The following DPP10 variants were observed in gnomAD, a reference collection of about 807,000 sequenced individuals.
The protein encoded by DPP10 is dipeptidyl peptidase like 10.
A neutral mutation model predicts 120.9 loss-of-function variants in DPP10; 33 were observed. The observed-to-expected ratio is 0.27, with a 90% CI of 0.21 to 0.37. The LOEUF is 0.37. DPP10 is among the 10% of genes least tolerant of loss of function. DPP10 has a pLI of 1.00. For missense variants in DPP10, 816 were observed against 942.8 expected, an observed-to-expected ratio of 0.87 and a Z score of 1.76; for synonymous variants, 337 against 326.1, an observed-to-expected ratio of 1.03 and a Z score of -0.36.
rs67359999 is a variant in DPP10 at position 115,617,289 on chromosome 2, T to TATATATATATACAC, written c.442-72397_442-72396insTATATATATACACA. On this transcript the variant is annotated intron_variant, in intron 5 of 25. Transcript: ENST00000410059. ...TATATTTTTTATATATATATATATA[T>TATATATATATACAC]ACACACATAGCATATATGTATATGC... 9.1e-3 allele frequency among the ~76,000 whole-genome samples: 1,243 copies of TATATATATATACAC among 136,480 alleles called. 10 individuals are homozygous for TATATATATATACAC. The highest frequency in any genetic ancestry group is 0.018 in the Middle Eastern group (4 of 218). 89.5% of individuals were successfully genotyped at this position (136,480 alleles called of 152,430 possible).
rs529727538 is a variant in DPP10, at chr2:115,661,011, C to T, written c.442-28676C>T. On this transcript the variant is annotated intron_variant, in intron 5 of 25. Transcript: ENST00000410059. ...GTCCACCCAGGCTGGAGTGCAGTGG[C>T]GTGATCTCGGCTCACTGCAAACTCT... Among the ~76,000 whole-genome samples, 7 of 152,026 alleles carry T rather than the reference C, an allele frequency of 4.6e-5. No homozygotes were observed. In the South Asian group the frequency reaches 8.3e-4, roughly 18 times the overall value.
chr2:115,581,543 T>C (rs977510182), intron 5 of DPP10, among the ~76,000 whole-genome samples: 10 of 152,124 alleles, frequency 6.6e-5, no homozygotes, highest in Admixed American at 6.5e-4. Flanking sequence ...CTATACTCTG[T>C]TATACAAAAT....
At chr2:115,361,481 A>T (rs2064762097) in intron 3 of DPP10, among the ~76,000 whole-genome samples, 1 of 151,870 alleles carries the variant, frequency 6.6e-6, no homozygotes, top group South Asian at 2.1e-4. Context: ...GGATGTGCAG[A>T]CCAGACATGC....
At chr2:115,171,369 AAAAAAG>A (rs538897412) in intron 1 of DPP10, among the ~76,000 whole-genome samples, 2,884 of 150,112 alleles carry the variant, frequency 0.019, 53 homozygotes, top group African/African-American at 0.054. Flanking sequence ...AAAAAAAAAA[AAAAAAG>A]AAAAGAAAAG....
chr2:114,935,661 G>T (rs1696405963), intron 1 of DPP10, among the ~76,000 whole-genome samples: 2 of 150,196 alleles, frequency 1.3e-5, no homozygotes, highest in Non-Finnish European at 3.0e-5. Context: ...GATCAGAAAT[G>T]ATCCTTTCGG....
chr2:115,236,285 T>C (rs1442971819), intron 1 of DPP10, among the ~76,000 whole-genome samples: 2 of 152,218 alleles, frequency 1.3e-5, no homozygotes, highest in Non-Finnish European at 2.9e-5. Context: ...TTAACCCATC[T>C]TTCAGAATAT....
In DPP10 at chr2:115,744,283, C is replaced by A. The variant is rs532175941; in HGVS notation, c.853-1803C>A. On this transcript the variant is annotated intron_variant, in intron 9 of 25. Coordinates refer to ENST00000410059, the MANE Select transcript of DPP10 (RefSeq NM_020868.6). ...GTGTCAGGCTGTAAAGTTCAACATA[C>A]GAGACCCAGCTAGAGAAATGGTAGG... Among the ~76,000 whole-genome samples the A allele has an allele frequency of 3.3e-5, 5 of 150,018 alleles. No individual in the cohort carries two copies. In the South Asian group the frequency reaches 6.3e-4, roughly 19 times the overall value.
chr2:114,477,165 G>A (rs1394458658), intron 1 of DPP10, among the ~76,000 whole-genome samples: 1 of 151,790 alleles, frequency 6.6e-6, no homozygotes, highest in Non-Finnish European at 1.5e-5. Context: ...CACCATGTTG[G>A]ACAGGCAGGT....
intron 1 of DPP10, among the ~76,000 whole-genome samples, chr2:114,589,514 A>G (rs1055866228): frequency 2.6e-5 from 4 of 152,212 alleles, no homozygotes; most frequent in Non-Finnish European, 5.9e-5. Context: ...TGCTCATGGT[A>G]AGCATATACA....
chr2:115,407,188 G>A (rs911297586), intron 3 of DPP10, among the ~76,000 whole-genome samples: 1 of 152,136 alleles, frequency 6.6e-6, no homozygotes, highest in African/African-American at 2.4e-5. Context: ...GCGCAGGTGG[G>A]CATTATTCAG....
intron 3 of DPP10, among the ~76,000 whole-genome samples, chr2:115,403,737 A>G (rs1371858496): frequency 6.6e-6 from 1 of 152,176 alleles, no homozygotes; most frequent in Non-Finnish European, 1.5e-5. Context: ...ACTAGAAATC[A>G]GAGCCAGAGC....
intron 1 of DPP10, among the ~76,000 whole-genome samples, chr2:114,696,413 T>A (rs1228210210): frequency 2.0e-5 from 3 of 152,092 alleles, no homozygotes; most frequent in Non-Finnish European, 4.4e-5. Context: ...TGTGGGATAG[T>A]AGCTGAGAGA....
At chr2:115,662,478 A>T (rs755458845) in intron 5 of DPP10, among the ~76,000 whole-genome samples, 5 of 150,816 alleles carry the variant, frequency 3.3e-5, no homozygotes, top group Non-Finnish European at 5.9e-5. Flanking sequence ...TATAATGGTC[A>T]TACCAATTCA....
At chr2:114,845,767 C>G (rs2106466180) in intron 1 of DPP10, among the ~76,000 whole-genome samples, 1 of 152,264 alleles carries the variant, frequency 6.6e-6, no homozygotes, top group East Asian at 1.9e-4. Flanking sequence ...TCAATCACTT[C>G]TAAATAGATA....
chr2:114,846,352 A>T (rs536776917), intron 1 of DPP10, among the ~76,000 whole-genome samples: 15 of 152,294 alleles, frequency 9.8e-5, no homozygotes, highest in African/African-American at 3.4e-4. Flanking sequence ...AATATTCCAG[A>T]GGAAGACTAT....
At chr2:114,798,263 G>A (rs760745193) in intron 1 of DPP10, among the ~76,000 whole-genome samples, 2 of 152,116 alleles carry the variant, frequency 1.3e-5, no homozygotes, top group African/African-American at 2.4e-5. Flanking sequence ...GAAGTTTAAA[G>A]TAATGGGTCA....
chr2:115,578,062 C>T (rs963807695), intron 5 of DPP10, among the ~76,000 whole-genome samples: 4 of 152,150 alleles, frequency 2.6e-5, no homozygotes, highest in South Asian at 2.1e-4. Context: ...ACCTATTTCA[C>T]GTTCCTTTGA....
chr2:114,910,257 G>T (rs1418072798), intron 1 of DPP10, among the ~76,000 whole-genome samples: 1 of 151,666 alleles, frequency 6.6e-6, no homozygotes, highest in Non-Finnish European at 1.5e-5. Context: ...CAATCCAAAG[G>T]TTATTTTATT....
chr2:114,949,878 G>A (rs1185099947), intron 1 of DPP10, among the ~76,000 whole-genome samples: 4 of 151,928 alleles, frequency 2.6e-5, no homozygotes, highest in African/African-American at 7.2e-5. Flanking sequence ...TCTTTCCAAG[G>A]GTTTTCACAG....
Sources: allele counts gnomAD v4.1 joint callset (sites outside exome capture counted in the v4.1 genomes callset), GRCh38; gene constraint gnomAD v4.1.1; transcripts MANE v1.5; gene names NCBI Gene and HGNC (gene_info 2026-07-23, HGNC 2026-07-21).